TMEM132C: variants seen among roughly 807,000 people sequenced by gnomAD.
The protein encoded by TMEM132C is transmembrane protein 132C.
A neutral mutation model predicts 61.4 loss-of-function variants in TMEM132C; 29 were observed. That is an observed-to-expected ratio of 0.47 (90% CI 0.35 to 0.64). The LOEUF is 0.64. Among genes scored for constraint, TMEM132C ranks in the 30% least tolerant of loss-of-function variants. The pLI, the probability that TMEM132C is intolerant of heterozygous loss-of-function variation, is 0.00. For missense variants in TMEM132C, 1,408 were observed against 1,476.9 expected, an observed-to-expected ratio of 0.95 and a Z score of 0.76; for synonymous variants, 656 against 633.1, an observed-to-expected ratio of 1.04 and a Z score of -0.54.
Position 128,414,321 on chromosome 12 carries a change from A to C in TMEM132C, c.86-411A>C, listed in dbSNP as rs531108493. 9.2e-5 allele frequency among the ~76,000 whole-genome samples: 14 copies of C among 152,322 alleles called. No individual in the cohort carries two copies. In the South Asian group the frequency reaches 2.1e-3, roughly 23 times the overall value. ...CTGACTAAACTTCCATATGTTCTTG[A>C]GTTTATATATGGACTTCATTCATTG... On this transcript the variant is annotated intron_variant, in intron 1 of 8. Coordinates refer to ENST00000435159, the MANE Select transcript of TMEM132C (RefSeq NM_001136103.3).
intron 1 of TMEM132C, among the ~76,000 whole-genome samples, chr12:128,356,992 C>CACACATACACACACAGAGAG: frequency 6.6e-6 from 1 of 152,292 alleles, no homozygotes; most frequent in African/African-American, 2.4e-5. Flanking sequence ...CGCTCTCTCA[C>CACACATACACACACAGAGAG]ACACATACAC....
rs397816205 is a variant in TMEM132C, at chr12:128,523,811, G to GGAA, written c.975-20146_975-20145insGAA. 1.8e-4 allele frequency among the ~76,000 whole-genome samples: 18 copies of GGAA among 100,054 alleles called. 1 individual carries two copies. The highest frequency in any genetic ancestry group is 2.7e-4 in the African/African-American group (8 of 29,386). The allele number at this position is 100,054 out of a possible 152,430, so 65.6% of individuals were successfully genotyped here. A position where few individuals can be genotyped will look rare whatever the true frequency, so the allele number is the denominator to read the frequency against. Reference sequence around the variant, plus strand: ...GCCCAGGAATTACAGACAAGCCCAGGAAAAAAAAAAAAAAAAAGAGACCCT... The same window carrying GGAA: ...GCCCAGGAATTACAGACAAGCCCAGGGAAAAAAAAAAAAAAAAAAAGAGACCCT... On this transcript the variant is annotated intron_variant, in intron 2 of 8. Transcript: ENST00000435159.
chr12:128,380,249 G>A (rs1409722080), intron 1 of TMEM132C, among the ~76,000 whole-genome samples: 1 of 152,258 alleles, frequency 6.6e-6, no homozygotes, highest in East Asian at 1.9e-4. Context: ...CAAGAGCTGT[G>A]TGTTGAAGGA....
chr12:128,493,510 T>A (rs1446823429), intron 2 of TMEM132C, among the ~76,000 whole-genome samples: 1 of 152,194 alleles, frequency 6.6e-6, no homozygotes, highest in African/African-American at 2.4e-5. Flanking sequence ...TTTGTTTGTA[T>A]CCTCTTTTAT....
intron 1 of TMEM132C, chr12:128,288,973 A>ACACT: frequency 6.6e-6 from 1 of 152,346 alleles, no homozygotes; most frequent in African/African-American, 2.4e-5. Flanking sequence ...TCACACATTC[A>ACACT]CACACGCATG....
At chr12:128,500,708 A>G (rs1000382241) in intron 2 of TMEM132C, among the ~76,000 whole-genome samples, 1 of 152,178 alleles carries the variant, frequency 6.6e-6, no homozygotes, top group African/African-American at 2.4e-5. Context: ...AGAAACTGAA[A>G]CATTCATACA....
chr12:128,654,779 T>C (rs1419559185), intron 4 of TMEM132C, among the ~76,000 whole-genome samples: 2 of 152,166 alleles, frequency 1.3e-5, no homozygotes, highest in Admixed American at 6.5e-5. Flanking sequence ...TGCTAAGATT[T>C]CTAGAAGGAA....
At position 128,403,888 on chromosome 12, in the gene TMEM132C, A is replaced by G. The variant is rs937566658; in HGVS notation, c.86-10844A>G. On this transcript the variant is annotated intron_variant, in intron 1 of 8. Transcript: ENST00000435159. ...CTATGTATGTAATATCTGACAAACTACCTCAGGCTTTCTATGTGGATCAAG... is the reference window on the plus strand; with the variant it reads ...CTATGTATGTAATATCTGACAAACTGCCTCAGGCTTTCTATGTGGATCAAG... Among the ~76,000 whole-genome samples the G allele has an allele frequency of 2.0e-5, 3 of 152,140 alleles. No individual in the cohort carries two copies. The East Asian group carries it at 5.8e-4, about 29-fold the overall frequency.
intron 4 of TMEM132C, among the ~76,000 whole-genome samples, chr12:128,643,904 A>G (rs1452094245): frequency 1.3e-5 from 2 of 152,206 alleles, no homozygotes; most frequent in Non-Finnish European, 1.5e-5. Flanking sequence ...CTTGAGCCAA[A>G]AAAAAGCAAG....
chr12:128,330,622 T>A (rs1593013399), intron 1 of TMEM132C, among the ~76,000 whole-genome samples: 1 of 152,370 alleles, frequency 6.6e-6, no homozygotes, highest in East Asian at 1.9e-4. Context: ...ATTCATTTTA[T>A]AGATCATCTT....
At chr12:128,575,237 T>TG (rs1427891338) in intron 3 of TMEM132C, among the ~76,000 whole-genome samples, 1 of 152,170 alleles carries the variant, frequency 6.6e-6, no homozygotes, top group Non-Finnish European at 1.5e-5. Flanking sequence ...CCCAACACTT[T>TG]GGGGGGGCCA....
At chr12:128,288,259 T>G (rs942239452) in intron 1 of TMEM132C, 1 of 152,240 alleles carries the variant, frequency 6.6e-6, no homozygotes, top group Non-Finnish European at 1.5e-5. Context: ...GGTTTCTCCA[T>G]GTTGGTCAGG....
At chr12:128,325,510 G>T (rs532220916) in intron 1 of TMEM132C, among the ~76,000 whole-genome samples, 2 of 152,190 alleles carry the variant, frequency 1.3e-5, no homozygotes, top group Admixed American at 1.3e-4. Context: ...GTGTATACAT[G>T]CATGTATATA....
At chr12:128,627,665 T>C (rs1008662196) in intron 4 of TMEM132C, among the ~76,000 whole-genome samples, 2 of 152,280 alleles carry the variant, frequency 1.3e-5, no homozygotes, top group South Asian at 4.1e-4. Context: ...GTGACCATCA[T>C]TCGGAAAGCC....
chr12:128,561,359 G>T (rs1223504441), intron 3 of TMEM132C, among the ~76,000 whole-genome samples: 1 of 152,136 alleles, frequency 6.6e-6, no homozygotes, highest in African/African-American at 2.4e-5. Flanking sequence ...TCAGAGACTT[G>T]CAGGGAGCAG....
intron 4 of TMEM132C, among the ~76,000 whole-genome samples, chr12:128,635,453 G>T (rs941680837): frequency 5.6e-5 from 8 of 142,574 alleles, no homozygotes; most frequent in African/African-American, 2.3e-4. Context: ...TAGATGAAAT[G>T]AGTTTTTTCT....
At chr12:128,544,189 G>T in intron 3 of TMEM132C, 86 bp downstream of exon 3, 1 of 1,425,418 alleles carries the variant, frequency 7.0e-7, no homozygotes, top group Non-Finnish European at 9.2e-7. Flanking sequence ...ACTTGGACTC[G>T]CGTGAGCGGC....
At chr12:128,645,480 G>A (rs192462722) in intron 4 of TMEM132C, among the ~76,000 whole-genome samples, 3 of 151,804 alleles carry the variant, frequency 2.0e-5, no homozygotes, top group South Asian at 2.1e-4. Context: ...TTCTTCTCTC[G>A]CTTGAGTTAT....
intron 4 of TMEM132C, among the ~76,000 whole-genome samples, chr12:128,622,401 A>ATATATATG (rs1565994613): frequency 7.6e-6 from 1 of 131,700 alleles, no homozygotes; most frequent in African/African-American, 2.8e-5. Flanking sequence ...ATATATATAT[A>ATATATATG]ACCAGGAAAC....
Sources: gnomAD v4.1 joint callset for allele counts (sites outside exome capture counted in the v4.1 genomes callset) on GRCh38, gnomAD v4.1.1 for gene constraint, MANE v1.5 for transcripts, NCBI Gene and HGNC (gene_info 2026-07-23, HGNC 2026-07-21) for gene names.